MAPDA: variants seen among roughly 807,000 people sequenced by gnomAD.
MAPDA encodes the protein N6-Methyl-AMP deaminase.
At chr15:43,352,268 T>C in the MAPDA span, 1 of 220,750 alleles carries the variant, frequency 4.5e-6, no homozygotes, top group Non-Finnish European at 8.8e-6. Flanking sequence ...AGGAAATGTT[T>C]TGGAATTACT....
At chr15:43,330,689 C>T in the MAPDA span, 995 of 510,068 alleles carry the variant, frequency 2.0e-3, 4 homozygotes, top group Non-Finnish European at 2.7e-3. Context: ...GTGCTAAGTT[C>T]GCTTGCGGCT....
chr15:43,351,870 C>G, the MAPDA span: 1 of 1,551,716 alleles, frequency 6.4e-7, no homozygotes. Flanking sequence ...TCAACTACAT[C>G]TTTGCTTCTG....
At chr15:43,348,981 C>T in the MAPDA span, 2 of 1,614,162 alleles carry the variant, frequency 1.2e-6, no homozygotes, top group Non-Finnish European at 8.5e-7. Flanking sequence ...GAACATTTCT[C>T]AACTCCGGTG....
chr15:43,330,542 G>A, the MAPDA span: 35 of 1,500,858 alleles, frequency 2.3e-5, no homozygotes, highest in Non-Finnish European at 2.8e-5. Flanking sequence ...GCCGCCCCTT[G>A]GTTAGCACAC....
At chr15:43,336,638 G>A in the MAPDA span, 39 of 1,575,806 alleles carry the variant, frequency 2.5e-5, 1 homozygote, top group South Asian at 4.6e-4. Flanking sequence ...GTTTCCAGAT[G>A]TTTCAAACTA....
the MAPDA span, among the ~76,000 whole-genome samples, chr15:43,348,040 C>T: frequency 6.6e-6 from 1 of 152,224 alleles, no homozygotes; most frequent in Non-Finnish European, 1.5e-5. Context: ...TTATCTCTGG[C>T]CTTGTGTGCA....
the MAPDA span, among the ~76,000 whole-genome samples, chr15:43,338,091 G>A: frequency 6.6e-6 from 1 of 152,164 alleles, no homozygotes; most frequent in Non-Finnish European, 1.5e-5. Flanking sequence ...AACTTTGACA[G>A]TTTAATACTC....
At chr15:43,346,556 T>C in the MAPDA span, among the ~76,000 whole-genome samples, 1 of 152,272 alleles carries the variant, frequency 6.6e-6, no homozygotes, top group Non-Finnish European at 1.5e-5. Flanking sequence ...GCAGAATTGC[T>C]CCTGGTTGAA....
chr15:43,340,642 C>T, the MAPDA span, among the ~76,000 whole-genome samples: 6 of 152,164 alleles, frequency 3.9e-5, no homozygotes. Context: ...ACCTCAGCCT[C>T]TAAAAGTGCT....
the MAPDA span, chr15:43,345,807 T>C: frequency 1.9e-6 from 3 of 1,610,468 alleles, no homozygotes; most frequent in Non-Finnish European, 2.5e-6. Flanking sequence ...ATTGTCTTTT[T>C]CATCTGTGTC....
the MAPDA span, among the ~76,000 whole-genome samples, chr15:43,340,068 A>G: frequency 6.6e-6 from 1 of 152,210 alleles, no homozygotes; most frequent in East Asian, 1.9e-4. Context: ...GGGTGATGGG[A>G]GTGATTGGAA....
the MAPDA span, among the ~76,000 whole-genome samples, chr15:43,336,402 G>A: frequency 6.6e-6 from 1 of 151,886 alleles, no homozygotes; most frequent in African/African-American, 2.4e-5. Flanking sequence ...TGTCAGGTGT[G>A]GGTTGGAGAA....
the MAPDA span, chr15:43,332,052 T>G: frequency 2.0e-5 from 3 of 152,128 alleles, no homozygotes; most frequent in Non-Finnish European, 4.4e-5. Context: ...GTATTAGTTG[T>G]GGGGATAGGA....
the MAPDA span, among the ~76,000 whole-genome samples, chr15:43,334,654 TA>T: frequency 7.9e-6 from 1 of 126,340 alleles, no homozygotes; most frequent in African/African-American, 2.6e-5. Flanking sequence ...TATATATATA[TA>T]TATATATATT....
At chr15:43,345,870 G>A in the MAPDA span, 3 of 1,614,168 alleles carry the variant, frequency 1.9e-6, no homozygotes, top group Middle Eastern at 1.6e-4. Flanking sequence ...GATAGCAGTT[G>A]ACAGAAGAGG....
the MAPDA span, chr15:43,348,983 A>C: frequency 1.9e-6 from 3 of 1,614,054 alleles, no homozygotes; most frequent in South Asian, 1.1e-5. Context: ...ACATTTCTCA[A>C]CTCCGGTGAG....
the MAPDA span, chr15:43,351,174 G>C: frequency 2.4e-6 from 2 of 841,486 alleles, no homozygotes; most frequent in Non-Finnish European, 3.7e-6. Flanking sequence ...AAGGGACCGG[G>C]GTGTGGCTGA....
chr15:43,335,059 G>T, the MAPDA span: 4 of 1,563,306 alleles, frequency 2.6e-6, no homozygotes, highest in Non-Finnish European at 3.5e-6. Flanking sequence ...ACATCATATT[G>T]CTCATACTAA....
the MAPDA span, chr15:43,351,447 C>G: frequency 7.7e-6 from 3 of 387,584 alleles, no homozygotes; most frequent in African/African-American, 4.1e-5. Context: ...AAAACTGATG[C>G]TCTGCACCCA....
Sources: gnomAD v4.1 joint callset for allele counts (sites outside exome capture counted in the v4.1 genomes callset) on GRCh38, gnomAD v4.1.1 for gene constraint, MANE v1.5 for transcripts, NCBI Gene and HGNC (gene_info 2026-07-23, HGNC 2026-07-21) for gene names.